THADA: variants seen among roughly 807,000 people sequenced by gnomAD.
THADA encodes the protein tRNA (32-2'-O)-methyltransferase regulator THADA.
THADA carries 213 observed loss-of-function variants against 219.8 expected under a neutral mutation model. That is an observed-to-expected ratio of 0.97 (90% CI 0.87 to 1.09). The LOEUF (loss-of-function observed/expected upper bound fraction) is 1.09, where lower values mean the gene tolerates loss of function less well. THADA is among the 50% of genes least tolerant of loss of function. The probability of loss-of-function intolerance (pLI) is 0.00; values close to 1 mark genes in which losing one functional copy is unlikely to be tolerated. For synonymous variants in THADA, 1,018 were observed against 828.9 expected (o/e 1.23, Z -3.92); for missense variants, 2,956 against 2,311.3 (o/e 1.28, Z -5.72).
chr2:43,231,130 C>T lies in THADA; in HGVS notation c.5680G>A (p.Glu1894Lys). Reference sequence around the variant, plus strand: ...GTGAACTCCACTGTCTTCACAAACTCAGCAGCTGGTGGAAGCTCTCTGAAG... The same window carrying T: ...GTGAACTCCACTGTCTTCACAAACTTAGCAGCTGGTGGAAGCTCTCTGAAG... ...QFFRELPPAAEFVKTVEFTRL... is the reference protein window; with the variant it reads ...QFFRELPPAAKFVKTVEFTRL... Residue 1894 changes from glutamate (E) to lysine (K), a missense_variant, in exon 38 of 38, where the codon GAG (glutamate) becomes AAG (lysine). Glu to Lys is a moderately conservative substitution (Grantham distance 56, BLOSUM62 1). Coordinates refer to ENST00000405975, the MANE Select transcript of THADA (RefSeq NM_022065.5). 1 of 1,613,924 alleles carries T rather than the reference C, an allele frequency of 6.2e-7. No homozygotes were observed. Among genetic ancestry groups the T allele is most frequent in the Non-Finnish European group, 8.5e-7 (1 of 1,179,854 alleles).
intron 11 of THADA, 40 bp downstream of exon 11, chr2:43,574,296 A>G: frequency 8.0e-6 from 11 of 1,378,808 alleles, no homozygotes; most frequent in Non-Finnish European, 1.1e-5. Flanking sequence ...TTTAAGCATC[A>G]TAATTAGAAA....
chr2:43,289,528 T>C (rs1001914046), intron 34 of THADA, among the ~76,000 whole-genome samples: 1 of 152,262 alleles, frequency 6.6e-6, no homozygotes, highest in African/African-American at 2.4e-5. Flanking sequence ...TTTCATTAAA[T>C]ATCACTTTAT....
At chr2:43,345,153 T>C (rs1323586261) in intron 29 of THADA, among the ~76,000 whole-genome samples, 1 of 152,246 alleles carries the variant, frequency 6.6e-6, no homozygotes, top group Non-Finnish European at 1.5e-5. Context: ...TATATCCTTC[T>C]CTAGAGCTGT....
Position 43,574,650 on chromosome 2 carries a change from GC to G in THADA, c.1414del (p.Ala472LeufsTer2), listed in dbSNP as rs1559002596. 6.2e-7 allele frequency: 1 copy of G among 1,613,956 alleles called. No homozygotes were observed. The highest frequency in any genetic ancestry group is 2.2e-5 in the East Asian group (1 of 44,882). On this transcript the variant is annotated frameshift_variant, in exon 11 of 38. Coordinates refer to ENST00000405975, the MANE Select transcript of THADA (RefSeq NM_022065.5). LOFTEE classifies it high-confidence loss of function. ...VECIGVEHIL[A>X]IDKTIPSQIL... ...TTGAGATGGAATAGTTTTATCTATA[GC>G]CAAAATATGTTCAACTCCTATGCAC...
chr2:43,286,875 T>C (rs749646712), intron 35 of THADA, 33 bp downstream of exon 35: 3 of 1,591,078 alleles, frequency 1.9e-6, no homozygotes, highest in Admixed American at 3.4e-5. Context: ...TAAGTGAGTT[T>C]GGTACAACAG....
intron 36 of THADA, among the ~76,000 whole-genome samples, chr2:43,264,140 A>AT (rs570493502): frequency 3.6e-4 from 53 of 147,962 alleles, no homozygotes; most frequent in Middle Eastern, 7.0e-3. Context: ...TTGGGGACTG[A>AT]TTTTTTTTTT....
intron 4 of THADA, among the ~76,000 whole-genome samples, chr2:43,590,435 T>C (rs1411649737): frequency 6.6e-6 from 1 of 152,002 alleles, no homozygotes; most frequent in African/African-American, 2.4e-5. Context: ...CCCATCACTT[T>C]GGGAGGCTGA....
chr2:43,538,398 G>C (rs1189341297), intron 21 of THADA: 2 of 152,168 alleles, frequency 1.3e-5, no homozygotes, highest in Non-Finnish European at 2.9e-5. Flanking sequence ...TTCATTATGT[G>C]ATTACAGTGA....
intron 17 of THADA, among the ~76,000 whole-genome samples, chr2:43,553,569 G>C (rs1697001594): frequency 6.6e-6 from 1 of 152,122 alleles, no homozygotes; most frequent in South Asian, 2.1e-4. Context: ...TGAGAATAAA[G>C]GTCTGTGTTT....
chr2:43,550,132 C>T (rs1655347648), intron 19 of THADA, among the ~76,000 whole-genome samples: 1 of 152,178 alleles, frequency 6.6e-6, no homozygotes, highest in African/African-American at 2.4e-5. Flanking sequence ...AACTGGCTCA[C>T]AGCAGAGGTT....
intron 21 of THADA, 149 bp downstream of exon 21, chr2:43,541,010 C>T: frequency 1.2e-6 from 1 of 824,964 alleles, no homozygotes; most frequent in Non-Finnish European, 1.7e-6. Context: ...GTCTAACATT[C>T]TAAATTACCA....
intron 15 of THADA, chr2:43,565,720 G>C (rs1025545220): frequency 6.6e-6 from 1 of 152,192 alleles, no homozygotes; most frequent in Non-Finnish European, 1.5e-5. Flanking sequence ...TTTCCTGTTT[G>C]ACCACAGTCA....
At position 43,380,684 on chromosome 2, in the gene THADA, C is replaced by T. The variant is rs1050793311; in HGVS notation, c.4227+17287G>A. Among the ~76,000 whole-genome samples the T allele has an allele frequency of 2.6e-5, 4 of 152,144 alleles. No individual in the cohort carries two copies. In the South Asian group the frequency reaches 8.3e-4, roughly 32 times the overall value. ...AGTAGCCATGAGCATACCCAGTGCC[C>T]CAATCTTGGTTTCGAATACCATTCT... On this transcript the variant is annotated intron_variant, in intron 29 of 37. Transcript: ENST00000405975.
chr2:43,255,321 T>C (rs540709199), intron 36 of THADA, among the ~76,000 whole-genome samples: 1 of 152,256 alleles, frequency 6.6e-6, no homozygotes, highest in Non-Finnish European at 1.5e-5. Context: ...AAACTGTTCA[T>C]TGTTAAATAT....
At chr2:43,266,527 T>C (rs1368119910) in intron 36 of THADA, among the ~76,000 whole-genome samples, 1 of 152,114 alleles carries the variant, frequency 6.6e-6, no homozygotes, top group Non-Finnish European at 1.5e-5. Context: ...GGTGTGAACC[T>C]GGGAGGCAGA....
chr2:43,586,820 A>G (rs1391377037), intron 5 of THADA, 34 bp downstream of exon 5: 1 of 1,612,220 alleles, frequency 6.2e-7, no homozygotes, highest in African/African-American at 1.3e-5. Flanking sequence ...GAGAGGGGTT[A>G]GCCAGAAAAA....
intron 16 of THADA, 44 bp downstream of exon 16, chr2:43,560,190 G>T: frequency 6.5e-7 from 1 of 1,538,466 alleles, no homozygotes; most frequent in Admixed American, 2.0e-5. Context: ...CTGATAGAAA[G>T]TTTCCATGCA....
chr2:43,439,773 G>A (rs983010835), intron 26 of THADA, among the ~76,000 whole-genome samples: 30 of 152,152 alleles, frequency 2.0e-4, no homozygotes, highest in Non-Finnish European at 4.1e-4. Context: ...GTCTTGAAAA[G>A]TATCCCCCAC....
intron 2 of THADA, 51 bp downstream of exon 2, chr2:43,592,266 C>G: frequency 7.3e-7 from 1 of 1,376,832 alleles, no homozygotes; most frequent in Non-Finnish European, 1.0e-6. Flanking sequence ...TTAAAATACT[C>G]TGCTTGCAAA....
Sources: gnomAD v4.1 joint callset for allele counts (sites outside exome capture counted in the v4.1 genomes callset) on GRCh38, gnomAD v4.1.1 for gene constraint, MANE v1.5 for transcripts, NCBI Gene and HGNC (gene_info 2026-07-23, HGNC 2026-07-21) for gene names.